Variants in EYS observed in about 807,000 individuals in gnomAD.
EYS encodes the protein protein eyes shut homolog.
In EYS, 250 loss-of-function variants were observed where a neutral mutation model predicts 282.1. The ratio of observed to expected loss-of-function variants is 0.89; its 90% CI spans 0.80 to 0.98. The LOEUF is 0.98. EYS is among the 50% of genes least tolerant of loss of function. The pLI, the probability that EYS is intolerant of heterozygous loss-of-function variation, is 0.00. For missense variants in EYS, 4,016 were observed against 3,709.0 expected, an observed-to-expected ratio of 1.08 and a Z score of -2.15; for synonymous variants, 1,355 against 1,282.9, an observed-to-expected ratio of 1.06 and a Z score of -1.20.
intron 2 of EYS, among the ~76,000 whole-genome samples, chr6:65,570,190 C>T (rs1033743068): frequency 1.3e-5 from 2 of 152,030 alleles, no homozygotes; most frequent in African/African-American, 4.8e-5. Flanking sequence ...GGATAGATTT[C>T]CTCCTCCAAT....
At chr6:64,179,397 A>G (rs1234767406) in intron 31 of EYS, among the ~76,000 whole-genome samples, 1 of 152,078 alleles carries the variant, frequency 6.6e-6, no homozygotes, top group African/African-American at 2.4e-5. Context: ...AGTATAAACC[A>G]CCAAAGTAAC....
At chr6:64,764,049 G>A (rs1289917971) in intron 22 of EYS, among the ~76,000 whole-genome samples, 2 of 152,176 alleles carry the variant, frequency 1.3e-5, no homozygotes, top group Non-Finnish European at 2.9e-5. Context: ...AGGGCCGGAG[G>A]CTTTTCCAGG....
chr6:65,441,000 C>CTG (rs201577400), intron 5 of EYS, among the ~76,000 whole-genome samples: 27,096 of 147,016 alleles, frequency 0.18, 3,121 homozygotes, highest in Middle Eastern at 0.31. Context: ...ATATATTAAA[C>CTG]TGTGTGTGTG....
At position 63,834,155 on chromosome 6, in the gene EYS, G is replaced by A. The variant is rs151151790; in HGVS notation, c.7229-27783C>T. Among the ~76,000 whole-genome samples the A allele has an allele frequency of 7.6e-4, 116 of 152,216 alleles. 1 individual carries two copies. In the East Asian group the frequency reaches 0.019, roughly 24 times the overall value. The stretch of plus-strand genomic sequence containing the variant: ...CATTCAGGACATAGGCAGGGGCAAG[G>A]ACTTCATGACTAAAACACCAAAAGC... On this transcript the variant is annotated intron_variant, in intron 36 of 42. Transcript: ENST00000503581.
At chr6:64,085,956 C>T (rs570520591) in intron 31 of EYS, among the ~76,000 whole-genome samples, 1 of 152,324 alleles carries the variant, frequency 6.6e-6, no homozygotes, top group Non-Finnish European at 1.5e-5. Flanking sequence ...TAATACTAAG[C>T]CGTCATTTTT....
rs188023631 is a variant in EYS at position 65,393,968 on chromosome 6, T to C, written c.1184+8510A>G. On this transcript the variant is annotated intron_variant, in intron 7 of 42. Transcript: ENST00000503581. ...TTCTCTATATCACAACATTTCTGAT[T>C]TTTAAAAACATAGTATTCATATTTC... 1.0e-3 allele frequency among the ~76,000 whole-genome samples: 155 copies of C among 152,302 alleles called. 1 individual carries two copies. The highest frequency in any genetic ancestry group is 3.6e-3 in the African/African-American group (151 of 41,582).
chr6:64,466,247 G>T (rs952347108), intron 26 of EYS, among the ~76,000 whole-genome samples: 1 of 152,002 alleles, frequency 6.6e-6, no homozygotes, highest in African/African-American at 2.4e-5. Context: ...TCCCACTCCT[G>T]GGTATACATC....
At chr6:65,652,023 G>A (rs577318009) in intron 1 of EYS, among the ~76,000 whole-genome samples, 15 of 151,876 alleles carry the variant, frequency 9.9e-5, no homozygotes, top group African/African-American at 3.4e-4. Context: ...AGACACAATA[G>A]AAGCTCCATT....
chr6:65,548,495 T>C (rs907264368), intron 2 of EYS, among the ~76,000 whole-genome samples: 5 of 152,220 alleles, frequency 3.3e-5, no homozygotes, highest in South Asian at 2.1e-4. Context: ...GAAAAGTAAA[T>C]GTACACTTTT....
intron 24 of EYS, among the ~76,000 whole-genome samples, chr6:64,594,992 A>T (rs1356479522): frequency 2.0e-5 from 3 of 152,088 alleles, no homozygotes; most frequent in Admixed American, 6.6e-5. Context: ...ACAAGAACAT[A>T]AAAAAATCCA....
intron 22 of EYS, among the ~76,000 whole-genome samples, chr6:64,766,641 A>AAAAAC (rs1465417848): frequency 2.8e-3 from 14 of 5,038 alleles, no homozygotes; most frequent in Non-Finnish European, 4.1e-3. Context: ...CAAAAAAAAA[A>AAAAAC]AAAAAAAAAT....
intron 5 of EYS, among the ~76,000 whole-genome samples, chr6:65,458,629 T>C (rs1373345821): frequency 2.0e-5 from 3 of 152,148 alleles, no homozygotes; most frequent in African/African-American, 4.8e-5. Flanking sequence ...TGCTCAGAAA[T>C]AGTTTCTGTT....
chr6:64,342,884 A>G (rs574383987), intron 29 of EYS, among the ~76,000 whole-genome samples: 11 of 152,122 alleles, frequency 7.2e-5, no homozygotes, highest in Admixed American at 7.2e-4. Context: ...ATGGAAAACA[A>G]AAAAAGGCAG....
chr6:64,494,281 G>A (rs1201557055), intron 26 of EYS, among the ~76,000 whole-genome samples: 1 of 151,468 alleles, frequency 6.6e-6, no homozygotes, highest in Non-Finnish European at 1.5e-5. Flanking sequence ...TCTGATTATG[G>A]CACTTGGATT....
intron 12 of EYS, among the ~76,000 whole-genome samples, chr6:65,060,499 G>A (rs914425677): frequency 2.6e-5 from 4 of 151,712 alleles, no homozygotes; most frequent in African/African-American, 9.7e-5. Context: ...GGAACATCAT[G>A]GTCTGTACCT....
intron 1 of EYS, among the ~76,000 whole-genome samples, chr6:65,676,222 T>G (rs1318062541): frequency 3.3e-5 from 5 of 150,424 alleles, no homozygotes; most frequent in Non-Finnish European, 7.4e-5. Flanking sequence ...AGGAAGGAAT[T>G]TTAATGATTA....
intron 24 of EYS, among the ~76,000 whole-genome samples, chr6:64,614,958 C>A (rs1017218637): frequency 6.6e-6 from 1 of 152,034 alleles, no homozygotes; most frequent in African/African-American, 2.4e-5. Flanking sequence ...GTGTTGTCTT[C>A]GTCCTTCAGG....
chr6:65,216,914 A>G (rs1766329781), intron 12 of EYS, among the ~76,000 whole-genome samples: 1 of 152,164 alleles, frequency 6.6e-6, no homozygotes, highest in Non-Finnish European at 1.5e-5. Flanking sequence ...CATGCAAAAC[A>G]TATCACAAAA....
At chr6:65,675,501 C>G (rs115854607) in intron 1 of EYS, among the ~76,000 whole-genome samples, 185 of 151,860 alleles carry the variant, frequency 1.2e-3, no homozygotes, top group African/African-American at 4.3e-3. Flanking sequence ...TAATTTAAGT[C>G]AAAATCTGTC....
Sources: allele counts gnomAD v4.1 joint callset (sites outside exome capture counted in the v4.1 genomes callset), GRCh38; gene constraint gnomAD v4.1.1; transcripts MANE v1.5; gene names NCBI Gene and HGNC (gene_info 2026-07-23, HGNC 2026-07-21).